CDH13: variants seen among roughly 807,000 people sequenced by gnomAD.
CDH13 encodes the protein cadherin-13.
CDH13 carries 24 observed loss-of-function variants against 63.8 expected under a neutral mutation model. That is an observed-to-expected ratio of 0.38 (90% CI 0.27 to 0.53). The LOEUF (loss-of-function observed/expected upper bound fraction) is 0.53, where lower values mean the gene tolerates loss of function less well. Among genes scored for constraint, CDH13 ranks in the 20% least tolerant of loss-of-function variants. The pLI, the probability that CDH13 is intolerant of heterozygous loss-of-function variation, is 0.85. For synonymous variants in CDH13, 503 were observed against 355.3 expected, an observed-to-expected ratio of 1.42 and a Z score of -4.67; for missense variants, 1,049 against 903.1, an observed-to-expected ratio of 1.16 and a Z score of -2.07.
intron 1 of CDH13, among the ~76,000 whole-genome samples, chr16:82,636,750 C>G (rs1908702522): frequency 6.6e-6 from 1 of 152,166 alleles, no homozygotes; most frequent in Non-Finnish European, 1.5e-5. Flanking sequence ...AACACCCAAA[C>G]CAGAAAGCAA....
rs149707605 is a variant in CDH13 at position 83,272,363 on chromosome 16, T to C, written c.636+54866T>C. Among the ~76,000 whole-genome samples the C allele has an allele frequency of 5.9e-5, 9 of 152,344 alleles. 1 individual carries two copies. The highest frequency in any genetic ancestry group is 1.9e-4 in the African/African-American group (8 of 41,586). Reference sequence around the variant, plus strand: ...TTAAAGGCTGAGCATCCCTGAGTAATGTGAGACTGTGAACCAGGAGGACAG... The same window carrying C: ...TTAAAGGCTGAGCATCCCTGAGTAACGTGAGACTGTGAACCAGGAGGACAG... On this transcript the variant is annotated intron_variant, in intron 5 of 13. Transcript: ENST00000567109.
At chr16:82,797,669 G>C (rs1386038343) in intron 1 of CDH13, among the ~76,000 whole-genome samples, 1 of 151,936 alleles carries the variant, frequency 6.6e-6, no homozygotes, top group Non-Finnish European at 1.5e-5. Flanking sequence ...TTAGATTCAG[G>C]CTCATATACT....
At chr16:83,072,584 A>G (rs955184062) in intron 3 of CDH13, among the ~76,000 whole-genome samples, 3 of 152,180 alleles carry the variant, frequency 2.0e-5, no homozygotes, top group Non-Finnish European at 1.5e-5. Context: ...AAGTCAGAAC[A>G]GTTGGATTCT....
intron 2 of CDH13, among the ~76,000 whole-genome samples, chr16:82,945,992 G>A (rs932639303): frequency 5.3e-5 from 8 of 151,980 alleles, no homozygotes; most frequent in African/African-American, 1.5e-4. Flanking sequence ...TTGTCCTTCC[G>A]TATGTTTTGT....
chr16:82,930,025 G>A (rs1243035574), intron 2 of CDH13, among the ~76,000 whole-genome samples: 5 of 141,262 alleles, frequency 3.5e-5, no homozygotes, highest in Non-Finnish European at 7.7e-5. Context: ...CTAATAAAAT[G>A]CATTAGTTTG....
chr16:83,049,321 GCC>G (rs2030010808), intron 3 of CDH13, among the ~76,000 whole-genome samples: 1 of 115,022 alleles, frequency 8.7e-6, no homozygotes, highest in Non-Finnish European at 1.8e-5. Context: ...TTTATGACTG[GCC>G]TCTTTTTTTT....
intron 5 of CDH13, among the ~76,000 whole-genome samples, chr16:83,247,442 T>A (rs1905085788): frequency 6.6e-6 from 1 of 152,174 alleles, no homozygotes; most frequent in African/African-American, 2.4e-5. Flanking sequence ...ATCCAGTTAT[T>A]TTTATTTCTG....
At chr16:82,971,100 C>G (rs4782740) in intron 2 of CDH13, among the ~76,000 whole-genome samples, 10 of 152,206 alleles carry the variant, frequency 6.6e-5, no homozygotes, top group African/African-American at 2.4e-4. Context: ...CTGAGAACAG[C>G]CAGGCCTCAA....
In CDH13 at chr16:82,759,190, G is replaced by T. The variant is rs1218192266; in HGVS notation, c.46-99172G>T. On this transcript the variant is annotated intron_variant, in intron 1 of 13. Transcript: ENST00000567109. ...CAGGTTCCACACAGCTCCTTAGAGTGTCCCCACTGGGAGTGAGCAGAAACC... is the reference window on the plus strand; with the variant it reads ...CAGGTTCCACACAGCTCCTTAGAGTTTCCCCACTGGGAGTGAGCAGAAACC... Among the ~76,000 whole-genome samples, 4 of 152,322 alleles carry T rather than the reference G, an allele frequency of 2.6e-5. No individual in the cohort carries two copies. In the East Asian group the frequency reaches 7.7e-4, roughly 29 times the overall value.
chr16:82,869,252 G>A (rs1295499051), intron 2 of CDH13, among the ~76,000 whole-genome samples: 6 of 152,018 alleles, frequency 3.9e-5, no homozygotes, highest in Non-Finnish European at 7.4e-5. Flanking sequence ...TGCCATGTTG[G>A]CCAGGCTGGT....
chr16:82,887,257 A>G (rs937089188), intron 2 of CDH13, among the ~76,000 whole-genome samples: 2 of 152,168 alleles, frequency 1.3e-5, no homozygotes, highest in African/African-American at 2.4e-5. Context: ...TGTTGTGACT[A>G]CTACACAAAA....
At chr16:83,165,815 C>T (rs1274756452) in intron 4 of CDH13, among the ~76,000 whole-genome samples, 1 of 152,034 alleles carries the variant, frequency 6.6e-6, no homozygotes, top group Non-Finnish European at 1.5e-5. Flanking sequence ...GACTCTAGGT[C>T]ACCTTACCTC....
At chr16:82,913,710 C>T (rs1238088810) in intron 2 of CDH13, among the ~76,000 whole-genome samples, 1 of 151,856 alleles carries the variant, frequency 6.6e-6, no homozygotes, top group Non-Finnish European at 1.5e-5. Context: ...GGTTTGTCTG[C>T]GTGTGGGTAC....
At chr16:82,683,377 C>A (rs772204668) in intron 1 of CDH13, among the ~76,000 whole-genome samples, 2 of 152,184 alleles carry the variant, frequency 1.3e-5, no homozygotes, top group East Asian at 3.9e-4. Context: ...ATCTGACTTG[C>A]TGAGCTCACT....
At chr16:83,682,838 A>G (rs894957892) in intron 10 of CDH13, among the ~76,000 whole-genome samples, 1 of 152,130 alleles carries the variant, frequency 6.6e-6, no homozygotes, top group East Asian at 1.9e-4. Context: ...GGACCCTGAG[A>G]TCCTGCAGCA....
chr16:82,887,451 G>T (rs1246423352), intron 2 of CDH13, among the ~76,000 whole-genome samples: 1 of 152,176 alleles, frequency 6.6e-6, no homozygotes, highest in Non-Finnish European at 1.5e-5. Flanking sequence ...TTGGAGGACT[G>T]CCTTTTCCAC....
At chr16:82,967,843 A>G (rs1227538283) in intron 2 of CDH13, among the ~76,000 whole-genome samples, 1 of 152,184 alleles carries the variant, frequency 6.6e-6, no homozygotes, top group Non-Finnish European at 1.5e-5. Context: ...TTTCTCCTAT[A>G]TAAACTTAAT....
chr16:82,715,532 C>A (rs1165592180), intron 1 of CDH13, among the ~76,000 whole-genome samples: 1 of 152,132 alleles, frequency 6.6e-6, no homozygotes, highest in East Asian at 1.9e-4. Flanking sequence ...ACAATAATCT[C>A]CCTCACCAGA....
chr16:83,647,270 A>G (rs1028769814), intron 8 of CDH13, among the ~76,000 whole-genome samples: 4 of 149,780 alleles, frequency 2.7e-5, no homozygotes, highest in Admixed American at 2.0e-4. Flanking sequence ...AGATCATGCC[A>G]CTACTGCACT....
Sources: allele counts gnomAD v4.1 joint callset (sites outside exome capture counted in the v4.1 genomes callset), GRCh38; gene constraint gnomAD v4.1.1; transcripts MANE v1.5; gene names NCBI Gene and HGNC (gene_info 2026-07-23, HGNC 2026-07-21).